Variants in LOC400499 observed in about 807,000 individuals in gnomAD.
the LOC400499 span, chr16:11,387,021 G>T: frequency 9.6e-7 from 1 of 1,043,340 alleles, no homozygotes; most frequent in African/African-American, 1.6e-5. Context: ...GCCTGGCACT[G>T]TGATGCTACT....
At chr16:11,431,052 C>T in the LOC400499 span, 1 of 399,090 alleles carries the variant, frequency 2.5e-6, no homozygotes, top group South Asian at 1.3e-4. Context: ...GAAGTGTCTC[C>T]TTCTGCTTCA....
At chr16:11,463,523 G>T in the LOC400499 span, among the ~76,000 whole-genome samples, 2 of 151,696 alleles carry the variant, frequency 1.3e-5, no homozygotes, top group Admixed American at 6.6e-5. Context: ...TGTATACATG[G>T]ATGTGTCTGT....
chr16:11,500,555 G>A, the LOC400499 span, among the ~76,000 whole-genome samples: 1 of 120,578 alleles, frequency 8.3e-6, no homozygotes, highest in Non-Finnish European at 1.9e-5. Flanking sequence ...AGAAGCTCAG[G>A]AAGGTTAAAT....
the LOC400499 span, chr16:11,399,430 G>A: frequency 1.7e-5 from 7 of 421,038 alleles, no homozygotes; most frequent in Non-Finnish European, 1.6e-5. Context: ...AGGTGGAGCC[G>A]CCTGGGGGTT....
chr16:11,446,636 C>T, the LOC400499 span: 3 of 1,536,032 alleles, frequency 2.0e-6, no homozygotes, highest in Non-Finnish European at 2.6e-6. Flanking sequence ...CCTGCACAGA[C>T]CTGGGAGGGA....
At chr16:11,505,632 G>A in the LOC400499 span, among the ~76,000 whole-genome samples, 3 of 151,400 alleles carry the variant, frequency 2.0e-5, no homozygotes, top group Non-Finnish European at 4.4e-5. Context: ...TTTTTGTAGA[G>A]ATGGGCTCTC....
At chr16:11,375,703 G>T in the LOC400499 span, among the ~76,000 whole-genome samples, 2 of 150,118 alleles carry the variant, frequency 1.3e-5, no homozygotes, top group Non-Finnish European at 3.0e-5. Context: ...TATCTTATTT[G>T]GAGAAATGTC....
the LOC400499 span, among the ~76,000 whole-genome samples, chr16:11,376,260 A>C: frequency 6.6e-6 from 1 of 152,046 alleles, no homozygotes; most frequent in Non-Finnish European, 1.5e-5. Context: ...CATATCTAAG[A>C]AATCATTGAC....
chr16:11,496,253 G>T, the LOC400499 span, among the ~76,000 whole-genome samples: 6 of 151,954 alleles, frequency 3.9e-5, no homozygotes, highest in African/African-American at 1.5e-4. Context: ...TTTTAGTAGA[G>T]ATGGGGTTTC....
At chr16:11,442,112 A>C in the LOC400499 span, 1 of 152,240 alleles carries the variant, frequency 6.6e-6, no homozygotes, top group African/African-American at 2.4e-5. Flanking sequence ...ACTGGAGTGC[A>C]TCTTTAAAGG....
At chr16:11,457,210 G>A in the LOC400499 span, 3 of 607,638 alleles carry the variant, frequency 4.9e-6, no homozygotes, top group East Asian at 5.8e-5. Flanking sequence ...CGTTGGTAAG[G>A]ATGTGGAGAA....
At chr16:11,522,000 T>C in the LOC400499 span, 1 of 399,224 alleles carries the variant, frequency 2.5e-6, no homozygotes, top group African/African-American at 2.1e-5. Context: ...CAGCCAAGCC[T>C]TGGAGGCCAA....
At chr16:11,451,167 CAG>C in the LOC400499 span, among the ~76,000 whole-genome samples, 2 of 152,142 alleles carry the variant, frequency 1.3e-5, no homozygotes, top group South Asian at 2.1e-4. Flanking sequence ...GCTGGATATG[CAG>C]AGAGAGAGGT....
chr16:11,404,845 G>A, the LOC400499 span: 1 of 399,018 alleles, frequency 2.5e-6, no homozygotes, highest in East Asian at 3.6e-5. Flanking sequence ...TGCAGGAACA[G>A]CTCCCTGGGA....
At chr16:11,447,011 T>C in the LOC400499 span, 7 of 1,363,746 alleles carry the variant, frequency 5.1e-6, no homozygotes, top group Non-Finnish European at 6.8e-6. Context: ...GTCACGAGCT[T>C]GCAGAGTTAA....
the LOC400499 span, chr16:11,407,391 G>C: frequency 2.5e-6 from 1 of 398,018 alleles, no homozygotes. Flanking sequence ...TCCTCATCAG[G>C]GCTCTGATGG....
chr16:11,463,265 C>T, the LOC400499 span, among the ~76,000 whole-genome samples: 7 of 64,736 alleles, frequency 1.1e-4, no homozygotes, highest in South Asian at 3.8e-4. Flanking sequence ...CCCCCACGCC[C>T]CCCTGATGGC....
At chr16:11,476,163 C>G in the LOC400499 span, among the ~76,000 whole-genome samples, 12 of 110,668 alleles carry the variant, frequency 1.1e-4, no homozygotes, top group African/African-American at 3.6e-4. Context: ...TAGAGGGGGA[C>G]GGTGAGTGAG....
chr16:11,491,969 G>A, the LOC400499 span: 2,473 of 394,756 alleles, frequency 6.3e-3, 17 homozygotes, highest in Non-Finnish European at 9.5e-3. Context: ...CCCCTACTGC[G>A]GGAGGCTTCC....
Sources: allele counts gnomAD v4.1 joint callset (sites outside exome capture counted in the v4.1 genomes callset), GRCh38; gene constraint gnomAD v4.1.1; transcripts MANE v1.5.